JADE1: variants seen among roughly 807,000 people sequenced by gnomAD.
JADE1 encodes the protein jade family PHD finger 1, also known as protein Jade-1.
In JADE1, 14 loss-of-function variants were observed where a neutral mutation model predicts 81.8. The observed-to-expected ratio is 0.17, with a 90% confidence interval of 0.11 to 0.27. JADE1 has a LOEUF of 0.27. JADE1 is among the 10% of genes least tolerant of loss of function. The probability of loss-of-function intolerance (pLI) is 1.00; values close to 1 mark genes in which losing one functional copy is unlikely to be tolerated. For synonymous variants in JADE1, 353 were observed against 391.9 expected (o/e 0.90, Z 1.17); for missense variants, 690 against 1,047.9 (o/e 0.66, Z 4.71).
At chr4:128,862,923 C>T (rs771025844) in intron 9 of JADE1, 35 of 985,080 alleles carry the variant, frequency 3.6e-5, no homozygotes, top group South Asian at 9.4e-5. Context: ...TGCGCGTGCC[C>T]GTGTCCATCC....
chr4:128,853,503 A>C (rs1310901788), intron 6 of JADE1, among the ~76,000 whole-genome samples: 1 of 152,180 alleles, frequency 6.6e-6, no homozygotes, highest in African/African-American at 2.4e-5. Flanking sequence ...AAACCCTTAG[A>C]TTTCAGGAGG....
intron 1 of JADE1, among the ~76,000 whole-genome samples, chr4:128,813,407 CTT>C (rs72296886): frequency 4.3e-4 from 50 of 115,548 alleles, no homozygotes; most frequent in South Asian, 6.1e-4. Flanking sequence ...CTTACGGTCA[CTT>C]TTTTTTTTTT....
chr4:128,825,664 GT>G (rs1727997210), intron 1 of JADE1, among the ~76,000 whole-genome samples: 1 of 152,174 alleles, frequency 6.6e-6, no homozygotes. Flanking sequence ...TTTCCTCCAG[GT>G]AGACTGTGTG....
In JADE1 at chr4:128,866,525, C is replaced by T. The variant is rs373277242; in HGVS notation, c.1504-1331C>T. Among the ~76,000 whole-genome samples the T allele has an allele frequency of 3.3e-5, 5 of 151,476 alleles. No homozygotes were observed. In the South Asian group the frequency reaches 6.3e-4, roughly 19 times the overall value. On this transcript the variant is annotated intron_variant, in intron 9 of 10. Coordinates refer to ENST00000226319, the MANE Select transcript of JADE1 (RefSeq NM_199320.4). ...ATTATTAGGGTTTAGTCTACACTTA[C>T]GCTCTACACCAGAGTGCAAAATCTT...
At chr4:128,859,779 A>G (rs1579223042) in intron 8 of JADE1, among the ~76,000 whole-genome samples, 1 of 152,332 alleles carries the variant, frequency 6.6e-6, no homozygotes, top group East Asian at 1.9e-4. Context: ...AAGAGAGATG[A>G]TATAATGACT....
chr4:128,821,027 C>T (rs1727517120), intron 1 of JADE1, among the ~76,000 whole-genome samples: 1 of 152,150 alleles, frequency 6.6e-6, no homozygotes, highest in South Asian at 2.1e-4. Flanking sequence ...CATTCAGAAG[C>T]ACTTGGTTTT....
intron 1 of JADE1, among the ~76,000 whole-genome samples, chr4:128,820,126 T>G (rs1055595349): frequency 6.6e-6 from 1 of 151,294 alleles, no homozygotes; most frequent in African/African-American, 2.4e-5. Context: ...TTCTTTTTTT[T>G]TTTGAGATGG....
intron 1 of JADE1, among the ~76,000 whole-genome samples, chr4:128,812,316 G>T (rs541323404): frequency 0.013 from 1,910 of 151,842 alleles, 49 homozygotes; most frequent in African/African-American, 0.044. Context: ...AGGAGGAGGA[G>T]GATTGGGAGA....
At chr4:128,848,909 G>C in intron 4 of JADE1, 71 bp from the exon 5 acceptor site, 1 of 1,474,472 alleles carries the variant, frequency 6.8e-7, no homozygotes, top group South Asian at 1.2e-5. Flanking sequence ...AAGACATTTG[G>C]GGCCTTGTGG....
At chr4:128,831,619 C>T (rs1223513223) in intron 1 of JADE1, 114 bp from the exon 2 acceptor site, 12 of 833,072 alleles carry the variant, frequency 1.4e-5, no homozygotes, top group Non-Finnish European at 2.2e-5. Flanking sequence ...TCAAATGCTA[C>T]TTAAAGCCAT....
rs771011256 is a variant in JADE1 at position 128,843,015 on chromosome 4, C to A, written c.115C>A (p.His39Asn). The change falls in exon 3 of 11, where the codon CAT becomes AAT. Residue 39 changes from histidine to asparagine, a missense_variant. This residue lies in a region of JADE1 where 59 missense variants were observed against 52.8 expected (regional missense o/e 1.12). Transcript: ENST00000226319. ...GCATAGGAGAAGCTCCTGCTCCAGA[C>A]ATGAAGATCGAAAGCCTTCAGAGGT... ...SQHRRSSCSR[H>N]EDRKPSEVFR... 6.2e-6 allele frequency: 10 copies of A among 1,614,032 alleles called. No homozygotes were observed. Among genetic ancestry groups the A allele is most frequent in the Middle Eastern group, 1.7e-4 (1 of 6,060 alleles).
chr4:128,837,021 G>A (rs1729040037), intron 2 of JADE1, among the ~76,000 whole-genome samples: 1 of 152,202 alleles, frequency 6.6e-6, no homozygotes, highest in African/African-American at 2.4e-5. Flanking sequence ...TGATAGAAGT[G>A]TGCTCATACT....
chr4:128,865,820 ATTCCCTGGC>A (rs1241253587), intron 9 of JADE1, among the ~76,000 whole-genome samples: 2 of 152,226 alleles, frequency 1.3e-5, no homozygotes, highest in East Asian at 3.8e-4. Context: ...CAAAGTTCAA[ATTCCCTGGC>A]TTCCCCGTTT....
intron 2 of JADE1, among the ~76,000 whole-genome samples, chr4:128,841,107 A>ATAAG (rs1235290074): frequency 6.6e-6 from 1 of 152,248 alleles, no homozygotes; most frequent in East Asian, 1.9e-4. Flanking sequence ...ATCTGTAGAG[A>ATAAG]TAAGAGCTTC....
intron 3 of JADE1, 121 bp downstream of exon 3, chr4:128,843,159 A>G: frequency 2.7e-6 from 2 of 733,418 alleles, no homozygotes; most frequent in South Asian, 3.6e-5. Context: ...CCAGTTTCCA[A>G]ATCTGTAAGA....
chr4:128,846,390 C>T lies in JADE1; in HGVS notation c.154C>T (p.Leu52=). The T allele has an allele frequency of 1.9e-6, 3 of 1,614,146 alleles. No individual in the cohort carries two copies. The highest frequency in any genetic ancestry group is 2.5e-6 in the Non-Finnish European group (3 of 1,179,998). Residue 52 remains leucine, a synonymous_variant, in exon 4 of 11, where the codon CTG becomes TTG. Coordinates refer to ENST00000226319, the MANE Select transcript of JADE1 (RefSeq NM_199320.4). The surrounding 1 kb of genome is among the most constrained non-coding windows in gnomAD (Gnocchi z 4.0). ...RKPSEVFRTD[L]ITAMKLHDSY... is the part of the protein sequence containing the mutation. ...TCCTTTCCAGGTGTTTAGGACAGAC[C>T]TGATCACTGCCATGAAGTTGCATGA...
intron 2 of JADE1, among the ~76,000 whole-genome samples, chr4:128,840,653 C>T (rs1729357917): frequency 6.6e-6 from 1 of 152,208 alleles, no homozygotes; most frequent in African/African-American, 2.4e-5. Flanking sequence ...CCTTCATCTC[C>T]AGGTTCCTAA....
rs1731590487 is a variant in JADE1 at position 128,864,040 on chromosome 4, G to A, written c.1503+1815G>A. On this transcript the variant is annotated intron_variant, in intron 9 of 10. Coordinates refer to ENST00000226319, the MANE Select transcript of JADE1 (RefSeq NM_199320.4). Reference sequence around the variant, plus strand: ...GCTGTTTAAGTAGAACAATGCCAACGATGTATGAGAAACAGGGAATAAATC... The same window carrying A: ...GCTGTTTAAGTAGAACAATGCCAACAATGTATGAGAAACAGGGAATAAATC... 21 of 985,056 alleles carry A rather than the reference G, an allele frequency of 2.1e-5. 1 individual carries two copies. The highest frequency in any genetic ancestry group is 1.9e-4 in the South Asian group (4 of 21,286). The allele number at this position is 985,056 out of a possible 1,614,324, so 61.0% of individuals were successfully genotyped here.
chr4:128,824,422 AAAAT>A (rs969791490), intron 1 of JADE1, among the ~76,000 whole-genome samples: 5 of 99,488 alleles, frequency 5.0e-5, no homozygotes, highest in Admixed American at 9.9e-5. Flanking sequence ...CAACTCAAAA[AAAAT>A]AAAATAAAAG....
Sources: gnomAD v4.1 joint callset for allele counts (sites outside exome capture counted in the v4.1 genomes callset) on GRCh38, gnomAD v4.1.1 for gene constraint, gnomAD v4.1.1 regional missense constraint, Gnocchi (gnomAD v3.1) non-coding constraint, MANE v1.5 for transcripts, NCBI Gene and HGNC (gene_info 2026-07-23, HGNC 2026-07-21) for gene names.